Variants in AP3S1 observed in about 807,000 individuals in gnomAD.
AP3S1 encodes the protein adaptor related protein complex 3 subunit sigma 1.
In AP3S1, 12 loss-of-function variants were observed where a neutral mutation model predicts 21.3. That is an observed-to-expected ratio of 0.56 (90% CI 0.36 to 0.91). The LOEUF (loss-of-function observed/expected upper bound fraction) is 0.91, where lower values mean the gene tolerates loss of function less well. Ranked by LOEUF, AP3S1 falls within the 40% of genes least tolerant of loss-of-function variation. The probability of loss-of-function intolerance (pLI) is 0.01; values close to 1 mark genes in which losing one functional copy is unlikely to be tolerated. For synonymous variants in AP3S1, 48 were observed against 78.4 expected (o/e 0.61, Z 2.05); for missense variants, 116 against 225.0 (o/e 0.52, Z 3.10).
At chr5:115,846,633 A>G (rs1762087206) in intron 1 of AP3S1, among the ~76,000 whole-genome samples, 1 of 151,994 alleles carries the variant, frequency 6.6e-6, no homozygotes, top group Non-Finnish European at 1.5e-5. Context: ...TTCTTTTAAA[A>G]ATATCCCTTA....
chr5:115,862,988 C>G (rs1763313572), intron 1 of AP3S1, among the ~76,000 whole-genome samples: 1 of 152,218 alleles, frequency 6.6e-6, no homozygotes, highest in African/African-American at 2.4e-5. Flanking sequence ...CATGGTCAGG[C>G]ACGGTGGCTC....
chr5:115,848,973 G>T (rs1025478105), intron 1 of AP3S1, among the ~76,000 whole-genome samples: 6 of 152,226 alleles, frequency 3.9e-5, no homozygotes, highest in African/African-American at 1.4e-4. Context: ...CCCTTGTAGA[G>T]TTAGGCCTCT....
At chr5:115,877,364 C>T (rs958261961) in intron 3 of AP3S1, among the ~76,000 whole-genome samples, 3 of 152,120 alleles carry the variant, frequency 2.0e-5, no homozygotes, top group African/African-American at 7.2e-5. Flanking sequence ...CCTCCACCCC[C>T]TGACAAGTCC....
At chr5:115,898,973 A>T (rs890120773) in intron 4 of AP3S1, among the ~76,000 whole-genome samples, 4 of 152,224 alleles carry the variant, frequency 2.6e-5, no homozygotes, top group African/African-American at 9.6e-5. Context: ...AAGCATCAAA[A>T]TCCAGGGCAA....
At chr5:115,884,580 A>G (rs973063519) in intron 3 of AP3S1, among the ~76,000 whole-genome samples, 6 of 152,236 alleles carry the variant, frequency 3.9e-5, no homozygotes, top group Non-Finnish European at 7.3e-5. Flanking sequence ...GTCTCCAACA[A>G]CAACAACAAG....
chr5:115,908,853 A>G, intron 5 of AP3S1: 2 of 358,678 alleles, frequency 5.6e-6, no homozygotes, highest in Non-Finnish European at 7.8e-6. Context: ...TTTTTAAACT[A>G]TTGACATTTT....
chr5:115,885,953 T>A (rs949855718), intron 3 of AP3S1, among the ~76,000 whole-genome samples: 3 of 152,192 alleles, frequency 2.0e-5, no homozygotes, highest in African/African-American at 7.2e-5. Context: ...ACAGTTCAAA[T>A]TTTTGCTTTA....
At chr5:115,848,077 T>C (rs548968657) in intron 1 of AP3S1, among the ~76,000 whole-genome samples, 8 of 152,254 alleles carry the variant, frequency 5.3e-5, no homozygotes, top group Non-Finnish European at 1.2e-4. Context: ...GTAAGTGTTA[T>C]AAATAGGACA....
At chr5:115,893,317 G>T (rs1475176549) in intron 3 of AP3S1, among the ~76,000 whole-genome samples, 1 of 152,128 alleles carries the variant, frequency 6.6e-6, no homozygotes, top group Non-Finnish European at 1.5e-5. Flanking sequence ...TCCATTTCAA[G>T]ATAAGTGGAT....
At chr5:115,848,822 T>A (rs1193626219) in intron 1 of AP3S1, among the ~76,000 whole-genome samples, 1 of 152,242 alleles carries the variant, frequency 6.6e-6, no homozygotes, top group Non-Finnish European at 1.5e-5. Flanking sequence ...TCAGCTTTCC[T>A]CTCATCAAAT....
rs547009668 is a variant in AP3S1 at position 115,870,917 on chromosome 5, A to G, written c.273+789A>G. ...AAGGACCTTATTACTAATAGCAAAAACATTAGCTAAAGTGACAGCATTTGC... is the reference window on the plus strand; with the variant it reads ...AAGGACCTTATTACTAATAGCAAAAGCATTAGCTAAAGTGACAGCATTTGC... On this transcript the variant is annotated intron_variant, in intron 3 of 5. Coordinates refer to ENST00000316788, the MANE Select transcript of AP3S1 (RefSeq NM_001284.4). Among the ~76,000 whole-genome samples, 6 of 152,366 alleles carry G rather than the reference A, an allele frequency of 3.9e-5. No homozygotes were observed. The East Asian group carries it at 1.2e-3, about 29-fold the overall frequency.
At chr5:115,870,898 C>T (rs1317855528) in intron 3 of AP3S1, among the ~76,000 whole-genome samples, 1 of 152,166 alleles carries the variant, frequency 6.6e-6, no homozygotes, top group Non-Finnish European at 1.5e-5. Context: ...GACAAAGGAC[C>T]TTATTACTAA....
At chr5:115,895,586 C>T (rs1750694439) in intron 4 of AP3S1, among the ~76,000 whole-genome samples, 1 of 152,186 alleles carries the variant, frequency 6.6e-6, no homozygotes, top group East Asian at 1.9e-4. Flanking sequence ...TACTGATCAA[C>T]AGGCCTAGTT....
chr5:115,864,955 T>TC (rs1288502377), intron 1 of AP3S1, among the ~76,000 whole-genome samples: 4 of 152,182 alleles, frequency 2.6e-5, no homozygotes, highest in Non-Finnish European at 5.9e-5. Flanking sequence ...TTCTGTAATA[T>TC]GATGCTAAAG....
intron 3 of AP3S1, among the ~76,000 whole-genome samples, chr5:115,872,351 T>G (rs946530410): frequency 6.6e-6 from 1 of 152,200 alleles, no homozygotes. Flanking sequence ...GATCTATTTG[T>G]ATGCCATATT....
chr5:115,895,882 G>C (rs1750717854), intron 4 of AP3S1, among the ~76,000 whole-genome samples: 1 of 152,156 alleles, frequency 6.6e-6, no homozygotes, highest in Admixed American at 6.5e-5. Context: ...GAATTGATGG[G>C]ATTTGATGGC....
intron 4 of AP3S1, among the ~76,000 whole-genome samples, chr5:115,901,700 G>A (rs371111374): frequency 2.0e-5 from 3 of 151,990 alleles, no homozygotes; most frequent in East Asian, 1.9e-4. Flanking sequence ...AAGTACAGAC[G>A]TGAGGCACTA....
intron 1 of AP3S1, among the ~76,000 whole-genome samples, chr5:115,849,133 A>G (rs1762262651): frequency 6.6e-6 from 1 of 152,202 alleles, no homozygotes; most frequent in Non-Finnish European, 1.5e-5. Context: ...TCTAAGCACT[A>G]GTAATACAGT....
At chr5:115,877,509 T>C (rs1214907084) in intron 3 of AP3S1, among the ~76,000 whole-genome samples, 1 of 152,228 alleles carries the variant, frequency 6.6e-6, no homozygotes, top group South Asian at 2.1e-4. Context: ...GCTTCATCCA[T>C]GTCCCTGCAA....
Sources: allele counts gnomAD v4.1 joint callset (sites outside exome capture counted in the v4.1 genomes callset), GRCh38; gene constraint gnomAD v4.1.1; transcripts MANE v1.5; gene names NCBI Gene and HGNC (gene_info 2026-07-23, HGNC 2026-07-21).